Variants in SLC16A10 observed in about 807,000 individuals in gnomAD.
The protein encoded by SLC16A10 is monocarboxylate transporter 10.
Under a neutral mutation model 40.0 loss-of-function variants are expected in SLC16A10, and 27 were observed. That is an observed-to-expected ratio of 0.67 (90% CI 0.50 to 0.93). SLC16A10 has a LOEUF of 0.93. SLC16A10 is among the 40% of genes least tolerant of loss of function. SLC16A10 has a pLI of 0.00. For synonymous variants in SLC16A10, 213 were observed against 249.8 expected, an observed-to-expected ratio of 0.85 and a Z score of 1.39; for missense variants, 529 against 658.2, an observed-to-expected ratio of 0.80 and a Z score of 2.15.
chr6:111,125,413 C>T (rs180764381), intron 1 of SLC16A10, among the ~76,000 whole-genome samples: 18 of 152,124 alleles, frequency 1.2e-4, no homozygotes, highest in Admixed American at 7.9e-4. Context: ...AAAGGTGATC[C>T]GGAAAACCAG....
intron 1 of SLC16A10, among the ~76,000 whole-genome samples, chr6:111,122,045 G>A (rs1298561855): frequency 6.6e-6 from 1 of 152,112 alleles, no homozygotes; most frequent in Non-Finnish European, 1.5e-5. Context: ...GTGATGACTG[G>A]GTCACATGGG....
At chr6:111,104,039 T>C (rs1235504624) in intron 1 of SLC16A10, among the ~76,000 whole-genome samples, 4 of 152,002 alleles carry the variant, frequency 2.6e-5, no homozygotes. Context: ...GACTCCACAC[T>C]GGGCTTATTA....
chr6:111,167,662 T>TGAGA (rs142460950), intron 1 of SLC16A10, among the ~76,000 whole-genome samples: 1 of 150,524 alleles, frequency 6.6e-6, no homozygotes, highest in Non-Finnish European at 1.5e-5. Flanking sequence ...TGTGTGTATG[T>TGAGA]GAGAGAGAGA....
chr6:111,193,156 G>A, intron 3 of SLC16A10: 2 of 340,710 alleles, frequency 5.9e-6, no homozygotes, highest in Non-Finnish European at 4.2e-6. Flanking sequence ...CTGGTCTCAT[G>A]TGGTTATTAC....
chr6:111,152,439 A>G (rs913395647), intron 1 of SLC16A10, among the ~76,000 whole-genome samples: 1 of 152,238 alleles, frequency 6.6e-6, no homozygotes, highest in Non-Finnish European at 1.5e-5. Flanking sequence ...TTTGATAAAT[A>G]AAACTTAGGT....
At position 111,222,106 on chromosome 6, in the gene SLC16A10, T is replaced by C. The variant is rs147422659; in HGVS notation, c.1419T>C (p.His473=). ...GAVLCFIPWI[H]SKKQREISKT... is the part of the protein sequence containing the mutation. ...TGCTTTGTTTTATCCCGTGGATCCATAGTAAGAAGCAAAGAGAGATCAGTA... is the reference window on the plus strand; with the variant it reads ...TGCTTTGTTTTATCCCGTGGATCCACAGTAAGAAGCAAAGAGAGATCAGTA... Residue 473 remains histidine, a synonymous_variant, in exon 6 of 6, where the codon CAT becomes CAC. Transcript: ENST00000368851. 87 of 1,608,182 alleles carry C rather than the reference T, an allele frequency of 5.4e-5. No individual in the cohort carries two copies. In the African/African-American group the frequency reaches 1.1e-3, roughly 20 times the overall value.
At chr6:111,207,838 A>T (rs1460719840) in intron 4 of SLC16A10, among the ~76,000 whole-genome samples, 6 of 152,186 alleles carry the variant, frequency 3.9e-5, no homozygotes, top group African/African-American at 1.4e-4. Context: ...TAGTGGATGG[A>T]TTGGTTGGGG....
intron 1 of SLC16A10, among the ~76,000 whole-genome samples, chr6:111,135,116 T>C (rs1771854378): frequency 6.6e-6 from 1 of 152,130 alleles, no homozygotes; most frequent in Non-Finnish European, 1.5e-5. Flanking sequence ...GGGAGAGACA[T>C]TCTAGCAAAA....
Position 111,088,054 on chromosome 6 carries a change from C to T in SLC16A10, c.302C>T (p.Thr101Ile), listed in dbSNP as rs575692941. The change falls in exon 1 of 6, where the codon ACC becomes ATC. Residue 101 changes from threonine to isoleucine, a missense_variant. Thr to Ile is a moderately conservative substitution (Grantham distance 89). Transcript: ENST00000368851. ...CGVLFVSMLE[T>I]FGSKDDDKMV... ...GTGCTCTTCGTGTCCATGCTGGAAA[C>T]CTTCGGCTCCAAAGACGATGACAAG... The T allele has an allele frequency of 6.2e-7, 1 of 1,608,344 alleles. No individual in the cohort carries two copies. The highest frequency in any genetic ancestry group is 1.1e-5 in the South Asian group (1 of 90,204).
intron 1 of SLC16A10, among the ~76,000 whole-genome samples, chr6:111,128,514 TC>T (rs1771717665): frequency 6.6e-6 from 1 of 152,164 alleles, no homozygotes; most frequent in African/African-American, 2.4e-5. Context: ...GGCTGGCTGA[TC>T]AAGACACACT....
intron 3 of SLC16A10, among the ~76,000 whole-genome samples, chr6:111,183,387 C>G (rs1484137449): frequency 6.6e-6 from 1 of 152,172 alleles, no homozygotes; most frequent in Non-Finnish European, 1.5e-5. Flanking sequence ...TACACGTCTG[C>G]TAGAATGTAA....
chr6:111,108,978 A>G (rs1771335888), intron 1 of SLC16A10, among the ~76,000 whole-genome samples: 1 of 152,210 alleles, frequency 6.6e-6, no homozygotes, highest in Non-Finnish European at 1.5e-5. Context: ...AATAAATATA[A>G]ATTAGATCTT....
intron 1 of SLC16A10, among the ~76,000 whole-genome samples, chr6:111,165,775 A>G (rs1772461103): frequency 6.6e-6 from 1 of 152,238 alleles, no homozygotes; most frequent in South Asian, 2.1e-4. Flanking sequence ...GAAGTTGTTC[A>G]TGGAGGGGAA....
At chr6:111,180,422 G>A (rs1407191296) in intron 3 of SLC16A10, among the ~76,000 whole-genome samples, 12 of 152,194 alleles carry the variant, frequency 7.9e-5, no homozygotes, top group Admixed American at 7.9e-4. Flanking sequence ...GGTGGTGCAT[G>A]CCTGTGGTCC....
intron 3 of SLC16A10, among the ~76,000 whole-genome samples, chr6:111,194,285 G>T (rs1407257689): frequency 1.3e-5 from 2 of 152,114 alleles, no homozygotes. Context: ...TCTCCATCTT[G>T]CAGGGAGAAG....
intron 1 of SLC16A10, 152 bp from the exon 2 acceptor site, chr6:111,172,543 A>G: frequency 1.3e-6 from 1 of 765,054 alleles, no homozygotes; most frequent in Non-Finnish European, 1.9e-6. Context: ...CTAGTGTATG[A>G]GTCAATTTCC....
intron 1 of SLC16A10, among the ~76,000 whole-genome samples, chr6:111,116,699 A>G (rs975549780): frequency 6.6e-6 from 1 of 152,216 alleles, no homozygotes; most frequent in Non-Finnish European, 1.5e-5. Flanking sequence ...ATGTGCTTGC[A>G]TGTGAGGAGA....
At chr6:111,156,751 T>A (rs1340126530) in intron 1 of SLC16A10, among the ~76,000 whole-genome samples, 1 of 152,146 alleles carries the variant, frequency 6.6e-6, no homozygotes, top group Non-Finnish European at 1.5e-5. Flanking sequence ...AAAATATAGA[T>A]GTTTGTTACT....
In SLC16A10 at chr6:111,229,029, CAAAA is replaced by C. The variant is rs4038339; in HGVS notation, c.*6811_*6814del. ...GGGCAACAAGAGCAAAACTCTGTCT[CAAAA>C]AAAAAAAAAAAAAAAATAGTGCTGC... On this transcript the variant is annotated 3_prime_UTR_variant, in exon 6 of 6. Coordinates refer to ENST00000368851, the MANE Select transcript of SLC16A10 (RefSeq NM_018593.5). 1.8e-5 allele frequency: 2 copies of C among 111,952 alleles called. No homozygotes were observed. The highest frequency in any genetic ancestry group is 3.5e-5 in the African/African-American group (1 of 28,560). 6.9% of individuals were successfully genotyped at this position (111,952 alleles called of 1,614,324 possible).
Sources: gnomAD v4.1 joint callset for allele counts (sites outside exome capture counted in the v4.1 genomes callset) on GRCh38, gnomAD v4.1.1 for gene constraint, MANE v1.5 for transcripts, NCBI Gene and HGNC (gene_info 2026-07-23, HGNC 2026-07-21) for gene names.